Variants in RFX2 observed in about 807,000 individuals in gnomAD.
The protein encoded by RFX2 is regulatory factor X2.
RFX2 carries 20 observed loss-of-function variants against 87.8 expected under a neutral mutation model. The observed-to-expected ratio is 0.23, with a 90% CI of 0.16 to 0.33. RFX2 has a LOEUF of 0.33. Among genes scored for constraint, RFX2 ranks in the 10% least tolerant of loss-of-function variants. RFX2 has a pLI of 1.00. For synonymous variants in RFX2, 397 were observed against 431.3 expected (o/e 0.92, Z 0.98); for missense variants, 767 against 1,012.3 (o/e 0.76, Z 3.29).
chr19:6,074,608 A>G lies in RFX2; in HGVS notation c.-8-27104T>C, dbSNP rs2087661379. On this transcript the variant is annotated intron_variant, in intron 1 of 17. Transcript: ENST00000303657. This position sits in a 1 kb window ranked among gnomAD's most constrained non-coding sequence, Gnocchi z 5.2. Reference sequence around the variant, plus strand: ...CCTGACCATGTGGGGCTGACCCCTCAGGGAGAGACAGACGACACCATGGAC... The same window carrying G: ...CCTGACCATGTGGGGCTGACCCCTCGGGGAGAGACAGACGACACCATGGAC... 6.6e-6 allele frequency among the ~76,000 whole-genome samples: 1 copy of G among 152,230 alleles called. No individual in the cohort carries two copies. Among genetic ancestry groups the G allele is most frequent in the Admixed American group, 6.5e-5 (1 of 15,292 alleles).
chr19:5,995,586 C>T lies in RFX2; in HGVS notation c.2056+15G>A, dbSNP rs149764443. 54 of 1,551,700 alleles carry T rather than the reference C, an allele frequency of 3.5e-5. No individual in the cohort carries two copies. The Admixed American group carries it at 4.9e-4, about 14-fold the overall frequency. On this transcript the variant is annotated intron_variant, in intron 17 of 17. Coordinates refer to ENST00000303657, the MANE Select transcript of RFX2 (RefSeq NM_000635.4). ...CCTGGGAGGGTCGTGGTGGGAAAGC[C>T]GCAGACGCACCTACCTTTGTCGAGC...
rs143920508 is a variant in RFX2, at chr19:6,083,271, T to A, written c.-9+27122A>T. On this transcript the variant is annotated intron_variant, in intron 1 of 17. Transcript: ENST00000303657. This position sits in a 1 kb window ranked among gnomAD's most constrained non-coding sequence, Gnocchi z 4.6. ...AAATACTGCATTAAAACATTGTGTA[T>A]CTTGATGACTGTGGATTTTTGTAGG... Among the ~76,000 whole-genome samples, 1 of 152,292 alleles carries A rather than the reference T, an allele frequency of 6.6e-6. No individual in the cohort carries two copies. Among genetic ancestry groups the A allele is most frequent in the Non-Finnish European group, 1.5e-5 (1 of 68,032 alleles).
At chr19:6,053,824 C>T (rs913833127) in intron 1 of RFX2, among the ~76,000 whole-genome samples, 12 of 151,770 alleles carry the variant, frequency 7.9e-5, no homozygotes, top group African/African-American at 1.5e-4. Context: ...TGTGTAATGG[C>T]GGGCACCTGT....
Position 6,069,908 on chromosome 19 carries a change from A to C in RFX2, c.-8-22404T>G, listed in dbSNP as rs151272347. 6.3e-3 allele frequency among the ~76,000 whole-genome samples: 952 copies of C among 152,152 alleles called. 7 individuals are homozygous for C. Among genetic ancestry groups the C allele is most frequent in the Non-Finnish European group, 8.3e-3 (567 of 68,010 alleles). ...AGAGCGGGTTTCTGAAAATGAAAGA[A>C]ATAATAGCAGGTAGGACCTACCAGG... On this transcript the variant is annotated intron_variant, in intron 1 of 17. Coordinates refer to ENST00000303657, the MANE Select transcript of RFX2 (RefSeq NM_000635.4).
At chr19:6,092,388 G>T (rs2087948246) in intron 1 of RFX2, among the ~76,000 whole-genome samples, 1 of 152,182 alleles carries the variant, frequency 6.6e-6, no homozygotes, top group Non-Finnish European at 1.5e-5. Flanking sequence ...GGCCCCGCAG[G>T]CTGCATGCTG....
In RFX2 at chr19:6,047,463, C is replaced by A; in HGVS notation, c.34G>T (p.Ala12Ser). ...GCCGAGGGACGCAGAGCCACGGACG[C>A]TGGCGAATCCGCTCCACCCTCGGAA... ...QNSEGGADSP[A>S]SVALRPSAAA... is the part of the protein sequence containing the mutation. The change falls in exon 2 of 18, where the codon GCG becomes TCG. Residue 12 changes from alanine to serine, a missense_variant. Transcript: ENST00000303657. The surrounding 1 kb of genome is among the most constrained non-coding windows in gnomAD (Gnocchi z 4.2). The A allele has an allele frequency of 6.2e-7, 1 of 1,607,536 alleles. No homozygotes were observed. The highest frequency in any genetic ancestry group is 8.5e-7 in the Non-Finnish European group (1 of 1,177,074).
In RFX2 at chr19:6,026,512, G is replaced by C. The variant is rs1377125099; in HGVS notation, c.523-275C>G. The C allele has an allele frequency of 1.9e-6, 1 of 524,284 alleles. No individual in the cohort carries two copies. Among genetic ancestry groups the C allele is most frequent in the East Asian group, 3.4e-5 (1 of 29,266 alleles). 32.5% of individuals were successfully genotyped at this position (524,284 alleles called of 1,614,324 possible). Reference sequence around the variant, plus strand: ...AATCATGTTGTAAAAACTTGCTACTGAACTTTAACCTGGCATATGTGTGTG... The same window carrying C: ...AATCATGTTGTAAAAACTTGCTACTCAACTTTAACCTGGCATATGTGTGTG... On this transcript the variant is annotated intron_variant, in intron 5 of 17. Transcript: ENST00000303657. This position sits in a 1 kb window ranked among gnomAD's most constrained non-coding sequence, Gnocchi z 4.5.
At chr19:6,103,825 AC>A (rs759596370) in intron 1 of RFX2, among the ~76,000 whole-genome samples, 2 of 152,188 alleles carry the variant, frequency 1.3e-5, no homozygotes, top group Non-Finnish European at 2.9e-5. Flanking sequence ...AGATGTATGT[AC>A]TAAACGCCTC....
In RFX2 at chr19:5,994,916, C is replaced by T. The variant is rs776204708; in HGVS notation, c.2091G>A (p.Ala697=). 2.6e-5 allele frequency: 42 copies of T among 1,608,886 alleles called. No individual in the cohort carries two copies. The highest frequency in any genetic ancestry group is 6.6e-5 in the South Asian group (6 of 91,070). ...DMGDEQRGSE[A]GPDARSLGEP... ...CACCCAGGCTGCGGGCGTCTGGGCC[C>T]GCCTCGCTGCCACGCTGCTCATCGC... The change falls in exon 18 of 18, where the codon GCG becomes GCA. Residue 697 remains alanine, a synonymous_variant. Coordinates refer to ENST00000303657, the MANE Select transcript of RFX2 (RefSeq NM_000635.4).
intron 1 of RFX2, among the ~76,000 whole-genome samples, chr19:6,107,018 G>C (rs778091726): frequency 6.6e-6 from 1 of 151,564 alleles, no homozygotes; most frequent in East Asian, 2.0e-4. Context: ...GGTGCCGGCC[G>C]GGCGCGGTGG....
chr19:6,023,855 C>T lies in RFX2; in HGVS notation c.597+2308G>A, dbSNP rs932693376. On this transcript the variant is annotated intron_variant, in intron 6 of 17. Transcript: ENST00000303657. The surrounding 1 kb of genome is among the most constrained non-coding windows in gnomAD (Gnocchi z 4.9). ...AGTGCAGTGGCGCAATCTCAGCTCACTGCAACCTCCGTCTCCCAGGTTCAA... is the reference window on the plus strand; with the variant it reads ...AGTGCAGTGGCGCAATCTCAGCTCATTGCAACCTCCGTCTCCCAGGTTCAA... Among the ~76,000 whole-genome samples, 1 of 152,024 alleles carries T rather than the reference C, an allele frequency of 6.6e-6. No individual in the cohort carries two copies. The highest frequency in any genetic ancestry group is 2.4e-5 in the African/African-American group (1 of 41,398).
intron 1 of RFX2, among the ~76,000 whole-genome samples, chr19:6,106,803 TTTATATTTAAATTTTA>T (rs1378897313): frequency 1.4e-4 from 21 of 148,256 alleles, no homozygotes; most frequent in African/African-American, 4.9e-4. Context: ...TTAACATATA[TTTATATTTAAATTTTA>T]TTATATTTAA....
chr19:6,006,903 T>A (rs1403826431), intron 12 of RFX2, 109 bp downstream of exon 12: 1 of 1,355,378 alleles, frequency 7.4e-7, no homozygotes, highest in Non-Finnish European at 1.0e-6. Flanking sequence ...CTTTTGGGTT[T>A]TCTGTGAAAG....
rs1272636008 is a variant in RFX2 at position 6,021,356 on chromosome 19, C to T, written c.597+4807G>A. Among the ~76,000 whole-genome samples the T allele has an allele frequency of 2.0e-5, 3 of 152,204 alleles. No individual in the cohort carries two copies. Among genetic ancestry groups the T allele is most frequent in the Non-Finnish European group, 4.4e-5 (3 of 68,034 alleles). On this transcript the variant is annotated intron_variant, in intron 6 of 17. Coordinates refer to ENST00000303657, the MANE Select transcript of RFX2 (RefSeq NM_000635.4). The surrounding 1 kb of genome is among the most constrained non-coding windows in gnomAD (Gnocchi z 5.7). ...AAAACCCCTGCCCCCTGGAAGCGTC[C>T]GTTCTTGTCTGGCAGAGACCCACAA...
At chr19:6,105,905 CTTAAGT>C (rs1457153079) in intron 1 of RFX2, among the ~76,000 whole-genome samples, 1 of 152,064 alleles carries the variant, frequency 6.6e-6, no homozygotes, top group Non-Finnish European at 1.5e-5. Context: ...GCTTGGCCAC[CTTAAGT>C]TTAAGGTGCC....
At chr19:6,094,878 T>C (rs2087998594) in intron 1 of RFX2, among the ~76,000 whole-genome samples, 1 of 152,162 alleles carries the variant, frequency 6.6e-6, no homozygotes, top group Non-Finnish European at 1.5e-5. Flanking sequence ...CCTGTAATCC[T>C]AGCCCTTTGG....
intron 1 of RFX2, among the ~76,000 whole-genome samples, chr19:6,053,721 G>A (rs762586429): frequency 5.9e-5 from 9 of 152,122 alleles, no homozygotes; most frequent in South Asian, 4.1e-4. Flanking sequence ...TTGGGAGGCC[G>A]AGGGCGGGTG....
rs924066446 is a variant in RFX2 at position 6,022,550 on chromosome 19, G to C, written c.597+3613C>G. On this transcript the variant is annotated intron_variant, in intron 6 of 17. Coordinates refer to ENST00000303657, the MANE Select transcript of RFX2 (RefSeq NM_000635.4). This position sits in a 1 kb window ranked among gnomAD's most constrained non-coding sequence, Gnocchi z 6.2. ...CTGAGGGCAGCCCGGTGGCCCCCAG[G>C]GGCTGAGGCCGCCTCTTCTGCTCAA... Among the ~76,000 whole-genome samples the C allele has an allele frequency of 1.3e-5, 2 of 152,190 alleles. No individual in the cohort carries two copies. Among genetic ancestry groups the C allele is most frequent in the African/African-American group, 4.8e-5 (2 of 41,446 alleles).
chr19:6,100,493 C>T (rs1302008086), intron 1 of RFX2, among the ~76,000 whole-genome samples: 7 of 152,152 alleles, frequency 4.6e-5, no homozygotes, highest in Non-Finnish European at 7.3e-5. Context: ...GCTTTGGCGG[C>T]GACCGGAAGG....
Sources: allele counts gnomAD v4.1 joint callset (sites outside exome capture counted in the v4.1 genomes callset), GRCh38; gene constraint gnomAD v4.1.1; non-coding constraint Gnocchi (gnomAD v3.1); transcripts MANE v1.5; gene names NCBI Gene and HGNC (gene_info 2026-07-23, HGNC 2026-07-21).